The following FLVCR2 variants were observed in gnomAD, a reference collection of about 807,000 sequenced individuals.
FLVCR2 encodes choline/ethanolamine transporter FLVCR2.
Under a neutral mutation model 48.9 loss-of-function variants are expected in FLVCR2, and 38 were observed. That is an observed-to-expected ratio of 0.78 (90% CI 0.60 to 1.02). The LOEUF (loss-of-function observed/expected upper bound fraction) is 1.02. FLVCR2 is among the 50% of genes least tolerant of loss of function. FLVCR2 has a pLI of 0.00. For missense variants in FLVCR2, 664 were observed against 663.3 expected, an observed-to-expected ratio of 1.00 and a Z score of -0.01; for synonymous variants, 255 against 257.0, an observed-to-expected ratio of 0.99 and a Z score of 0.07.
chr14:75,602,145 C>A (rs927861146), intron 1 of FLVCR2, among the ~76,000 whole-genome samples: 70 of 152,246 alleles, frequency 4.6e-4, no homozygotes, highest in Admixed American at 4.1e-3. Flanking sequence ...ACCCTCTCAG[C>A]ACCTGGATGT....
intron 6 of FLVCR2, 137 bp from the exon 7 acceptor site, chr14:75,640,818 C>T (rs1890291789): frequency 1.4e-6 from 1 of 717,800 alleles, no homozygotes; most frequent in Non-Finnish European, 2.5e-6. Flanking sequence ...AGAGGATGCC[C>T]AGATCATTAG....
chr14:75,627,127 ACTC>A (rs1441918532), intron 3 of FLVCR2, among the ~76,000 whole-genome samples: 1 of 151,224 alleles, frequency 6.6e-6, no homozygotes, highest in East Asian at 1.9e-4. Context: ...GAGCAAAGCT[ACTC>A]CTCCTCCTTC....
At chr14:75,631,564 G>T in intron 3 of FLVCR2, 1 of 337,680 alleles carries the variant, frequency 3.0e-6, no homozygotes, top group Non-Finnish European at 5.8e-6. Flanking sequence ...TTCTTTTTCT[G>T]TGGATTCTGC....
At chr14:75,626,124 T>C (rs1359754569) in intron 3 of FLVCR2, among the ~76,000 whole-genome samples, 2 of 152,174 alleles carry the variant, frequency 1.3e-5, no homozygotes, top group African/African-American at 4.8e-5. Flanking sequence ...CCCGAGTAGC[T>C]GGGATTACAG....
Position 75,579,660 on chromosome 14 carries a change from G to A in FLVCR2, c.669+19G>A, listed in dbSNP as rs773946418. 14 of 1,613,646 alleles carry A rather than the reference G, an allele frequency of 8.7e-6. No homozygotes were observed. The highest frequency in any genetic ancestry group is 1.2e-5 in the Non-Finnish European group (14 of 1,179,706). On this transcript the variant is annotated intron_variant, in intron 1 of 9. Coordinates refer to ENST00000238667, the MANE Select transcript of FLVCR2 (RefSeq NM_017791.3). Reference sequence around the variant, plus strand: ...CAATCAGGTAGGTAGAACAGTTTGTGAATGTTCCCAGGGGCGTGTGTTAGA... The same window carrying A: ...CAATCAGGTAGGTAGAACAGTTTGTAAATGTTCCCAGGGGCGTGTGTTAGA...
intron 9 of FLVCR2, among the ~76,000 whole-genome samples, chr14:75,644,712 G>A (rs1890380216): frequency 1.3e-5 from 2 of 152,160 alleles, no homozygotes; most frequent in Admixed American, 1.3e-4. Flanking sequence ...CTCCTCTGGA[G>A]CCGTGACATT....
chr14:75,585,354 C>G (rs768932598), intron 1 of FLVCR2, among the ~76,000 whole-genome samples: 3 of 152,106 alleles, frequency 2.0e-5, no homozygotes, highest in Non-Finnish European at 2.9e-5. Context: ...ATTCTCTGGT[C>G]ACTTGAAACT....
Position 75,641,253 on chromosome 14 carries a change from C to A in FLVCR2, c.1413C>A (p.Ile471=), listed in dbSNP as rs1416787203. 2 of 1,613,858 alleles carry A rather than the reference C, an allele frequency of 1.2e-6. No individual in the cohort carries two copies. The highest frequency in any genetic ancestry group is 2.7e-5 in the African/African-American group (2 of 74,888). The change falls in exon 8 of 10, where the codon ATC becomes ATA. Residue 471 remains isoleucine (I), a synonymous_variant. Transcript: ENST00000238667. The stretch of plus-strand genomic sequence containing the variant: ...ACTATGGAACCAAGCCTGGGAACAT[C>A]TTCCTGTGTGTGTTCCTTACTCTTG... ...IDNYGTKPGN[I]FLCVFLTLGA... is the part of the protein sequence containing the mutation.
chr14:75,585,298 G>A (rs1182684375), intron 1 of FLVCR2, among the ~76,000 whole-genome samples: 2 of 152,120 alleles, frequency 1.3e-5, no homozygotes, highest in African/African-American at 2.4e-5. Context: ...CCCATTTTTC[G>A]ACAAAAATTA....
chr14:75,603,893 T>C (rs1326734489), intron 1 of FLVCR2, among the ~76,000 whole-genome samples: 3 of 152,038 alleles, frequency 2.0e-5, no homozygotes, highest in Non-Finnish European at 4.4e-5. Flanking sequence ...TCAAGGAAAA[T>C]TTCCTGTTTC....
At chr14:75,582,413 G>T (rs10132196) in intron 1 of FLVCR2, among the ~76,000 whole-genome samples, 2,318 of 152,262 alleles carry the variant, frequency 0.015, 64 homozygotes, top group African/African-American at 0.053. Flanking sequence ...GTGGAGGGGG[G>T]CAGAAAGTAT....
At chr14:75,621,170 T>C (rs930265320) in intron 1 of FLVCR2, among the ~76,000 whole-genome samples, 9 of 152,064 alleles carry the variant, frequency 5.9e-5, no homozygotes, top group Admixed American at 5.9e-4. Context: ...GTTTAGCACT[T>C]TGGGAGGCCA....
At chr14:75,621,928 C>T in intron 1 of FLVCR2, 151 bp from the exon 2 acceptor site, 2 of 854,850 alleles carry the variant, frequency 2.3e-6, no homozygotes, top group South Asian at 2.7e-5. Flanking sequence ...AAAGATTTCT[C>T]TGGTGTTTTG....
intron 1 of FLVCR2, chr14:75,605,707 T>C: frequency 1.5e-6 from 2 of 1,327,928 alleles, no homozygotes; most frequent in South Asian, 1.3e-5. Context: ...GTGTTTGCTT[T>C]GGCTCCCCTC....
chr14:75,625,784 C>T (rs1405674946), intron 3 of FLVCR2, among the ~76,000 whole-genome samples: 1 of 151,954 alleles, frequency 6.6e-6, no homozygotes, highest in Non-Finnish European at 1.5e-5. Context: ...AACAATAGTG[C>T]TTACTATGTG....
chr14:75,640,872 G>C, intron 6 of FLVCR2, 83 bp from the exon 7 acceptor site: 2 of 916,592 alleles, frequency 2.2e-6, no homozygotes, highest in Non-Finnish European at 3.7e-6. Flanking sequence ...ACAGCAAAGG[G>C]AGTCCTAGGG....
chr14:75,637,432 C>T (rs1890191661), intron 5 of FLVCR2, among the ~76,000 whole-genome samples: 1 of 152,106 alleles, frequency 6.6e-6, no homozygotes, highest in Non-Finnish European at 1.5e-5. Flanking sequence ...TAAAGAAAAG[C>T]TTTAAAGATT....
rs552468312 is a variant in FLVCR2 at position 75,604,948 on chromosome 14, G to A, written c.670-17131G>A. ...GGTGATGAAGACTTTGGAGACTCTGGGGTGACACAGATACTCACTGGGTCA... is the reference window on the plus strand; with the variant it reads ...GGTGATGAAGACTTTGGAGACTCTGAGGTGACACAGATACTCACTGGGTCA... On this transcript the variant is annotated intron_variant, in intron 1 of 9. Coordinates refer to ENST00000238667, the MANE Select transcript of FLVCR2 (RefSeq NM_017791.3). Among the ~76,000 whole-genome samples, 6 of 152,246 alleles carry A rather than the reference G, an allele frequency of 3.9e-5. No individual in the cohort carries two copies. The South Asian group carries it at 1.2e-3, about 32-fold the overall frequency.
intron 6 of FLVCR2, among the ~76,000 whole-genome samples, chr14:75,640,258 CAAAAAAAAA>C (rs11453901): frequency 1.0e-5 from 1 of 97,630 alleles, no homozygotes; most frequent in Non-Finnish European, 1.9e-5. Context: ...GACTCCGTCT[CAAAAAAAAA>C]AAAAAAAAAA....
Sources: allele counts gnomAD v4.1 joint callset (sites outside exome capture counted in the v4.1 genomes callset), GRCh38; gene constraint gnomAD v4.1.1; transcripts MANE v1.5; gene names NCBI Gene and HGNC (gene_info 2026-07-23, HGNC 2026-07-21).